Variants in ITGA4 observed in about 807,000 individuals in gnomAD.
The protein encoded by ITGA4 is integrin alpha-4.
A neutral mutation model predicts 133.6 loss-of-function variants in ITGA4; 63 were observed. The observed-to-expected ratio is 0.47, with a 90% CI of 0.38 to 0.58. The LOEUF (loss-of-function observed/expected upper bound fraction) is 0.58. Ranked by LOEUF, ITGA4 falls within the 20% of genes least tolerant of loss-of-function variation. The pLI is 0.00. For synonymous variants in ITGA4, 483 were observed against 438.0 expected, an observed-to-expected ratio of 1.10 and a Z score of -1.28; for missense variants, 1,076 against 1,252.7, an observed-to-expected ratio of 0.86 and a Z score of 2.13.
Position 181,482,625 on chromosome 2 carries a change from G to A in ITGA4, c.1015G>A (p.Val339Met). The A allele has an allele frequency of 6.2e-7, 1 of 1,613,748 alleles. No homozygotes were observed. The highest frequency in any genetic ancestry group is 8.5e-7 in the Non-Finnish European group (1 of 1,179,712). ...MQSTIREEGR[V>M]FVYINSGSGA... The stretch of plus-strand genomic sequence containing the variant: ...GAGCACCATCAGAGAGGAAGGAAGA[G>A]TGTTTGTGTACATCAACTCTGGCTC... Residue 339 changes from valine (V) to methionine (M), a missense_variant, in exon 9 of 28, where the codon GTG becomes ATG. By Grantham distance (21) the Val-to-Met change is conservative. Coordinates refer to ENST00000397033, the MANE Select transcript of ITGA4 (RefSeq NM_000885.6).
intron 4 of ITGA4, 143 bp downstream of exon 4, chr2:181,475,431 T>G: frequency 1.4e-6 from 1 of 691,992 alleles, no homozygotes; most frequent in Admixed American, 2.9e-5. Flanking sequence ...CTCAATTTCT[T>G]TCTTTACCCA....
At position 181,519,379 on chromosome 2, in the gene ITGA4, G is replaced by A. The variant is rs561796185; in HGVS notation, c.1923-2812G>A. On this transcript the variant is annotated intron_variant, in intron 17 of 27. Coordinates refer to ENST00000397033, the MANE Select transcript of ITGA4 (RefSeq NM_000885.6). ...TATTTCCTTGAGCTAGGTGCTTAAC[G>A]CATGTATTCATAAAAAATATTGAGC... Among the ~76,000 whole-genome samples the A allele has an allele frequency of 5.3e-5, 8 of 152,092 alleles. No individual in the cohort carries two copies. In the South Asian group the frequency reaches 8.3e-4, roughly 16 times the overall value.
intron 15 of ITGA4, among the ~76,000 whole-genome samples, chr2:181,507,622 A>C (rs1686420752): frequency 6.6e-6 from 1 of 152,102 alleles, no homozygotes. Context: ...CCCTTATATA[A>C]AATTGTGCCA....
chr2:181,484,937 A>G (rs1378566237), intron 9 of ITGA4, among the ~76,000 whole-genome samples: 3 of 152,232 alleles, frequency 2.0e-5, no homozygotes, highest in Non-Finnish European at 4.4e-5. Flanking sequence ...ATTTGAGAAG[A>G]ATAAAGGACA....
chr2:181,525,041 G>A (rs1448616121), intron 20 of ITGA4, among the ~76,000 whole-genome samples, 161 bp from the exon 21 acceptor site: 1 of 151,246 alleles, frequency 6.6e-6, no homozygotes, highest in Non-Finnish European at 1.5e-5. Context: ...TGCCAACCTT[G>A]TCCTAAAAAA....
intron 4 of ITGA4, 64 bp downstream of exon 4, chr2:181,475,352 A>T: frequency 7.6e-7 from 1 of 1,310,534 alleles, no homozygotes; most frequent in South Asian, 1.3e-5. Flanking sequence ...TAGTGTTTTA[A>T]ATTTATGTTC....
Position 181,496,102 on chromosome 2 carries a change from C to T in ITGA4, c.1540+165C>T, listed in dbSNP as rs1321716914. On this transcript the variant is annotated intron_variant, in intron 14 of 27. Transcript: ENST00000397033. ...TTCCTCTCCATCTTCCAGATTCTTG[C>T]GTTGTTCTAACCAATGAGTTGGGCA... 4.6e-5 allele frequency among the ~76,000 whole-genome samples: 7 copies of T among 152,106 alleles called. No individual in the cohort carries two copies. In the East Asian group the frequency reaches 1.2e-3, roughly 25 times the overall value.
Position 181,481,613 on chromosome 2 carries a change from C to G in ITGA4, c.770C>G (p.Ala257Gly). ...TTTCTTAAAGGATATTCAGTCGGAG[C>G]TGGTCATTTTCGGAGCCAGCATACT... The part of the protein sequence containing the change: ...FGSYLGYSVG[A>G]GHFRSQHTTE... Residue 257 changes from alanine (A) to glycine (G), a missense_variant, in exon 7 of 28, where the codon GCT (alanine) becomes GGT (glycine). By Grantham distance (60) the Ala-to-Gly change is moderately conservative (BLOSUM62 0). Around this residue, in one of 4 missense-constraint regions of ITGA4, gnomAD observed 436 missense variants for 590.7 expected, o/e 0.74. Transcript: ENST00000397033. 2 of 1,595,608 alleles carry G rather than the reference C, an allele frequency of 1.3e-6. No homozygotes were observed. The highest frequency in any genetic ancestry group is 1.7e-5 in the Admixed American group (1 of 59,662).
At chr2:181,521,576 A>G (rs1686721589) in intron 17 of ITGA4, among the ~76,000 whole-genome samples, 1 of 152,210 alleles carries the variant, frequency 6.6e-6, no homozygotes, top group African/African-American at 2.4e-5. Context: ...TTTGCAATAC[A>G]CAGGAGGATG....
chr2:181,508,026 T>A (rs530444428), intron 15 of ITGA4, among the ~76,000 whole-genome samples: 1 of 152,262 alleles, frequency 6.6e-6, no homozygotes, highest in Admixed American at 6.5e-5. Context: ...GTGGAATTTT[T>A]TTAATGAGGA....
intron 15 of ITGA4, among the ~76,000 whole-genome samples, chr2:181,500,541 G>A (rs1004039986): frequency 2.0e-5 from 3 of 152,138 alleles, no homozygotes; most frequent in Admixed American, 2.0e-4. Flanking sequence ...GGTTGCTCCT[G>A]TGTTCCATAA....
chr2:181,458,080 G>A (rs1685173605), intron 1 of ITGA4, 116 bp from the exon 2 acceptor site: 2 of 1,413,984 alleles, frequency 1.4e-6, no homozygotes, highest in Non-Finnish European at 2.0e-6. Context: ...CGGGGGTGGT[G>A]GGCGGAGGAG....
Position 181,536,906 on chromosome 2 carries a change from T to C in ITGA4, c.*1379T>C, listed in dbSNP as rs1470979547. The C allele has an allele frequency of 2.2e-6, 1 of 453,430 alleles. No homozygotes were observed. The highest frequency in any genetic ancestry group is 2.4e-5 in the Admixed American group (1 of 42,470). The allele number at this position is 453,430 out of a possible 1,614,324, so 28.1% of individuals were successfully genotyped here. A position where few individuals can be genotyped will look rare whatever the true frequency, so the allele number is the denominator to read the frequency against. On this transcript the variant is annotated 3_prime_UTR_variant, in exon 28 of 28. Coordinates refer to ENST00000397033, the MANE Select transcript of ITGA4 (RefSeq NM_000885.6). Reference sequence around the variant, plus strand: ...AGGGAGTGATCAAATTAGAAGGCAATGTGGAAAAACAATTCTGGGAAAGAT... The same window carrying C: ...AGGGAGTGATCAAATTAGAAGGCAACGTGGAAAAACAATTCTGGGAAAGAT...
chr2:181,483,527 A>G (rs1478605849), intron 9 of ITGA4, among the ~76,000 whole-genome samples: 1 of 152,222 alleles, frequency 6.6e-6, no homozygotes, highest in East Asian at 1.9e-4. Context: ...CAGAGCATTT[A>G]GCAAGTTCTT....
chr2:181,470,817 G>A (rs1456643276), intron 2 of ITGA4, among the ~76,000 whole-genome samples: 8 of 152,160 alleles, frequency 5.3e-5, no homozygotes, highest in Non-Finnish European at 1.0e-4. Context: ...TGAGGCTGCA[G>A]TGAGCTATGA....
At chr2:181,525,959 T>G (rs1346522926) in intron 21 of ITGA4, among the ~76,000 whole-genome samples, 3 of 152,212 alleles carry the variant, frequency 2.0e-5, no homozygotes, top group African/African-American at 7.2e-5. Flanking sequence ...AAAACTACAT[T>G]TTTATGCAGT....
Position 181,495,339 on chromosome 2 carries a change from A to T in ITGA4, c.1340-32A>T, listed in dbSNP as rs369941568. ...AAATAATTCTCTTTGACTAATGATG[A>T]TCATTAATCTGTGTTGTTTTTTATC... On this transcript the variant is annotated intron_variant, in intron 12 of 27. Coordinates refer to ENST00000397033, the MANE Select transcript of ITGA4 (RefSeq NM_000885.6). The surrounding 1 kb of genome is among the most constrained non-coding windows in gnomAD (Gnocchi z 4.3). 41 of 1,555,720 alleles carry T rather than the reference A, an allele frequency of 2.6e-5. No individual in the cohort carries two copies. The highest frequency in any genetic ancestry group is 3.5e-5 in the Non-Finnish European group (39 of 1,127,670).
intron 2 of ITGA4, chr2:181,459,513 T>G (rs949130858): frequency 6.6e-6 from 1 of 152,230 alleles, no homozygotes; most frequent in Non-Finnish European, 1.5e-5. Flanking sequence ...TGAATTCAGA[T>G]AGAGTATAAA....
chr2:181,511,834 C>A, intron 17 of ITGA4, 59 bp downstream of exon 17: 2 of 777,786 alleles, frequency 2.6e-6, no homozygotes, highest in South Asian at 1.6e-5. Flanking sequence ...TGAGTGTGTG[C>A]ATTTGCATTC....
Sources: allele counts gnomAD v4.1 joint callset (sites outside exome capture counted in the v4.1 genomes callset), GRCh38; gene constraint gnomAD v4.1.1; regional missense constraint gnomAD v4.1.1; non-coding constraint Gnocchi (gnomAD v3.1); transcripts MANE v1.5; gene names NCBI Gene and HGNC (gene_info 2026-07-23, HGNC 2026-07-21).